CDON: variants seen among roughly 807,000 people sequenced by gnomAD.
CDON encodes cell adhesion molecule-related/down-regulated by oncogenes.
Under a neutral mutation model 120.9 loss-of-function variants are expected in CDON, and 73 were observed. The observed-to-expected ratio is 0.60, with a 90% CI of 0.50 to 0.73. The LOEUF (loss-of-function observed/expected upper bound fraction) is 0.73. Among genes scored for constraint, CDON ranks in the 30% least tolerant of loss-of-function variants. CDON has a pLI of 0.00. For missense variants in CDON, 1,470 were observed against 1,587.3 expected, an observed-to-expected ratio of 0.93 and a Z score of 1.26; for synonymous variants, 566 against 573.5, an observed-to-expected ratio of 0.99 and a Z score of 0.19.
rs1343799201 is a variant in CDON at position 125,958,289 on chromosome 11, C to T, written c.*2653G>A. The T allele has an allele frequency of 4.0e-5, 6 of 151,096 alleles. No homozygotes were observed. The highest frequency in any genetic ancestry group is 1.2e-4 in the African/African-American group (5 of 41,330). The allele number at this position is 151,096 out of a possible 1,614,324, so 9.4% of individuals were successfully genotyped here. Reference sequence around the variant, plus strand: ...CTAGGTTCGGATTCAGGTCCCATGGCTCACTGAGTGACTTGGGGATTTTAA... The same window carrying T: ...CTAGGTTCGGATTCAGGTCCCATGGTTCACTGAGTGACTTGGGGATTTTAA... On this transcript the variant is annotated 3_prime_UTR_variant, in exon 20 of 20. Coordinates refer to ENST00000531738, the MANE Select transcript of CDON (RefSeq NM_001378964.1).
At position 126,011,925 on chromosome 11, in the gene CDON, T is replaced by C. The variant is rs940925891; in HGVS notation, c.1199-1231A>G. 1.4e-4 allele frequency among the ~76,000 whole-genome samples: 22 copies of C among 152,186 alleles called. 1 individual carries two copies. The highest frequency in any genetic ancestry group is 6.5e-5 in the Admixed American group (1 of 15,284). On this transcript the variant is annotated intron_variant, in intron 7 of 19. Transcript: ENST00000531738. Reference sequence around the variant, plus strand: ...TTTACCTCCATGCTGATAACAATTATCCCACATCAAAATGCGAAATGGGTC... The same window carrying C: ...TTTACCTCCATGCTGATAACAATTACCCCACATCAAAATGCGAAATGGGTC...
At chr11:125,977,442 G>A (rs1425164726) in intron 18 of CDON, among the ~76,000 whole-genome samples, 1 of 151,928 alleles carries the variant, frequency 6.6e-6, no homozygotes, top group East Asian at 1.9e-4. Context: ...TAAATATATA[G>A]GTCAAACATC....
chr11:126,031,414 G>GA lies in CDON; in HGVS notation c.-61-7878dup, dbSNP rs1217767274. 3.1e-4 allele frequency among the ~76,000 whole-genome samples: 47 copies of GA among 152,246 alleles called. 1 individual carries two copies. Among genetic ancestry groups the GA allele is most frequent in the African/African-American group, 1.1e-3 (46 of 41,556 alleles). ...ACAACTTTTCCAATCAGAAACTAAA[G>GA]AAAACACTCTAAAAAGTGATATTAT... On this transcript the variant is annotated intron_variant, in intron 1 of 19. Coordinates refer to ENST00000531738, the MANE Select transcript of CDON (RefSeq NM_001378964.1).
In CDON at chr11:125,983,917, T is replaced by G; in HGVS notation, c.2950A>C (p.Ile984Leu). Residue 984 changes from isoleucine (I) to leucine (L), a missense_variant, in exon 16 of 20, where the codon ATT (isoleucine) becomes CTT (leucine). By Grantham distance (5) the Ile-to-Leu change is conservative (BLOSUM62 2). Transcript: ENST00000531738. The stretch of plus-strand genomic sequence containing the variant: ...CGATTCTTCCACAGGCACATTGCAA[T>G]GAAAACCATCAGAATGAGGACCATG... ...GVMVLILMVFIAMCLWKNRQQ... is the reference protein window; with the variant it reads ...GVMVLILMVFLAMCLWKNRQQ... 6.2e-7 allele frequency: 1 copy of G among 1,614,136 alleles called. No individual in the cohort carries two copies. The highest frequency in any genetic ancestry group is 8.5e-7 in the Non-Finnish European group (1 of 1,180,028).
intron 18 of CDON, among the ~76,000 whole-genome samples, chr11:125,970,524 T>C (rs888861411): frequency 1.3e-5 from 2 of 152,168 alleles, no homozygotes; most frequent in Non-Finnish European, 2.9e-5. Context: ...CTAGTCACTG[T>C]GTCATTTTGC....
intron 18 of CDON, among the ~76,000 whole-genome samples, chr11:125,965,972 T>C (rs1490255136): frequency 6.6e-6 from 1 of 151,846 alleles, no homozygotes; most frequent in East Asian, 1.9e-4. Flanking sequence ...GCGTCTCTAC[T>C]AAAAAATACA....
At chr11:125,964,827 T>C (rs957682005) in intron 18 of CDON, among the ~76,000 whole-genome samples, 1 of 152,152 alleles carries the variant, frequency 6.6e-6, no homozygotes, top group Admixed American at 6.5e-5. Context: ...TAGAGAACAA[T>C]TATGGAATTA....
Position 126,021,274 on chromosome 11 carries a change from C to G in CDON, c.323G>C (p.Ser108Thr), listed in dbSNP as rs1192415671. The stretch of plus-strand genomic sequence containing the variant: ...TGCCACAGATACTGTCGCAGGGCCA[C>G]TCACAATGGCACCGATGCTATTGTT... ...LANNSIGAIV[S>T]GPATVSVAVL... Residue 108 changes from serine (S) to threonine (T), a missense_variant, in exon 3 of 20, where the codon AGT (serine) becomes ACT (threonine). By Grantham distance (58) the Ser-to-Thr change is moderately conservative. Coordinates refer to ENST00000531738, the MANE Select transcript of CDON (RefSeq NM_001378964.1). 1 of 1,614,134 alleles carries G rather than the reference C, an allele frequency of 6.2e-7. No individual in the cohort carries two copies.
intron 18 of CDON, among the ~76,000 whole-genome samples, chr11:125,972,662 G>A (rs1204113106): frequency 6.6e-6 from 1 of 152,108 alleles, no homozygotes; most frequent in Non-Finnish European, 1.5e-5. Context: ...ATAGATGGGT[G>A]ATAAAAGGGG....
intron 1 of CDON, among the ~76,000 whole-genome samples, chr11:126,030,368 A>G (rs936849009): frequency 6.6e-6 from 1 of 152,206 alleles, no homozygotes; most frequent in African/African-American, 2.4e-5. Context: ...CTTTGCTTTC[A>G]TAAGGATGAT....
chr11:126,007,158 G>A (rs1208384290), intron 8 of CDON, among the ~76,000 whole-genome samples: 1 of 152,186 alleles, frequency 6.6e-6, no homozygotes, highest in Non-Finnish European at 1.5e-5. Flanking sequence ...AGAGTGCAGA[G>A]CAAACAACGT....
intron 1 of CDON, among the ~76,000 whole-genome samples, chr11:126,046,291 A>G (rs1387410647): frequency 6.6e-6 from 1 of 152,188 alleles, no homozygotes; most frequent in African/African-American, 2.4e-5. Context: ...GCAATGCAAT[A>G]AACTTATCCT....
chr11:125,981,966 T>TTTCC (rs1946320025), intron 16 of CDON, among the ~76,000 whole-genome samples: 2 of 118,522 alleles, frequency 1.7e-5, no homozygotes, highest in Admixed American at 1.9e-4. Context: ...AGTGATTCTA[T>TTTCC]TTTCTTTTTT....
chr11:126,063,094 A>T (rs1373721346), upstream of CDON: 1 of 151,960 alleles, frequency 6.6e-6, no homozygotes, highest in Non-Finnish European at 1.5e-5. Flanking sequence ...GTACCAAGTG[A>T]CGGAGGGGGG....
At chr11:126,031,098 A>C (rs1046552441) in intron 1 of CDON, among the ~76,000 whole-genome samples, 1 of 152,222 alleles carries the variant, frequency 6.6e-6, no homozygotes, top group Non-Finnish European at 1.5e-5. Context: ...GAGAGTAAAA[A>C]GTATTGAAAG....
intron 1 of CDON, among the ~76,000 whole-genome samples, chr11:126,047,258 A>G (rs1334481631): frequency 6.6e-6 from 1 of 152,144 alleles, no homozygotes; most frequent in African/African-American, 2.4e-5. Context: ...GAGAGTAACA[A>G]AATTGAAAAT....
chr11:126,059,132 A>T (rs1948739299), intron 1 of CDON, among the ~76,000 whole-genome samples: 1 of 152,260 alleles, frequency 6.6e-6, no homozygotes, highest in Non-Finnish European at 1.5e-5. Context: ...TTTTGCTCTC[A>T]GTTTGAAAGT....
chr11:126,051,224 G>A (rs1350387156), intron 1 of CDON, among the ~76,000 whole-genome samples: 1 of 152,152 alleles, frequency 6.6e-6, no homozygotes, highest in Admixed American at 6.6e-5. Context: ...GTACAGCTAA[G>A]GAAACGTGAA....
chr11:126,017,060 T>C, intron 6 of CDON, 28 bp downstream of exon 6: 1 of 1,602,980 alleles, frequency 6.2e-7, no homozygotes, highest in Non-Finnish European at 8.5e-7. Flanking sequence ...TGGCTTCATT[T>C]GAAAAAAATT....
Sources: allele counts gnomAD v4.1 joint callset (sites outside exome capture counted in the v4.1 genomes callset), GRCh38; gene constraint gnomAD v4.1.1; transcripts MANE v1.5; gene names NCBI Gene and HGNC (gene_info 2026-07-23, HGNC 2026-07-21).